Variants in NBAS observed in about 807,000 individuals in gnomAD.
NBAS encodes NBAS subunit of NRZ tethering complex, also known as NAG/BC035112 fusion.
A neutral mutation model predicts 302.5 loss-of-function variants in NBAS; 219 were observed. That is an observed-to-expected ratio of 0.72 (90% CI 0.65 to 0.81). The LOEUF (loss-of-function observed/expected upper bound fraction) is 0.81, where lower values mean the gene tolerates loss of function less well. Ranked by LOEUF, NBAS falls within the 30% of genes least tolerant of loss-of-function variation. The pLI, the probability that NBAS is intolerant of heterozygous loss-of-function variation, is 0.00. For missense variants in NBAS, 2,932 were observed against 2,841.6 expected (o/e 1.03, Z -0.72); for synonymous variants, 1,118 against 1,021.6 (o/e 1.09, Z -1.80).
the NBAS span, among the ~76,000 whole-genome samples, chr2:15,003,013 A>G: frequency 2.0e-5 from 3 of 152,238 alleles, no homozygotes; most frequent in Non-Finnish European, 2.9e-5. Flanking sequence ...AGGGCTCCTC[A>G]AGTGCAGCCA....
the NBAS span, among the ~76,000 whole-genome samples, chr2:14,995,810 C>T: frequency 2.0e-5 from 3 of 152,250 alleles, no homozygotes; most frequent in African/African-American, 4.8e-5. Context: ...TAACCTTGAA[C>T]TCCCAGGCTC....
chr2:14,872,553 T>C, the NBAS span, among the ~76,000 whole-genome samples: 2 of 152,202 alleles, frequency 1.3e-5, no homozygotes, highest in Non-Finnish European at 2.9e-5. Flanking sequence ...TTTGGAAGTG[T>C]CTGGAGTTTA....
rs370606595 is a variant in NBAS at position 15,406,018 on chromosome 2, A to G, written c.2938-3717T>C. On this transcript the variant is annotated intron_variant, in intron 25 of 51. Coordinates refer to ENST00000281513, the MANE Select transcript of NBAS (RefSeq NM_015909.4). ...GTTAATGTACAAATTCAATGCAATC[A>G]CAATAAAATACCAATAAGCAATTTT... Among the ~76,000 whole-genome samples, 3 of 151,964 alleles carry G rather than the reference A, an allele frequency of 2.0e-5. No individual in the cohort carries two copies. In the East Asian group the frequency reaches 5.8e-4, roughly 29 times the overall value.
At chr2:14,899,676 G>T in the NBAS span, among the ~76,000 whole-genome samples, 1 of 151,964 alleles carries the variant, frequency 6.6e-6, no homozygotes, top group South Asian at 2.1e-4. Context: ...CTGGTTGTGT[G>T]GTTGTTGTTT....
chr2:15,493,498 T>C (rs1387318077), intron 11 of NBAS, among the ~76,000 whole-genome samples: 1 of 151,902 alleles, frequency 6.6e-6, no homozygotes, highest in Non-Finnish European at 1.5e-5. Context: ...TAAAACCCCA[T>C]CTCTACAAAA....
At chr2:15,136,678 T>C in the NBAS span, among the ~76,000 whole-genome samples, 8 of 152,300 alleles carry the variant, frequency 5.3e-5, no homozygotes, top group Non-Finnish European at 1.2e-4. Flanking sequence ...GTGCCTGATA[T>C]GGTTTGGCTC....
intron 21 of NBAS, among the ~76,000 whole-genome samples, chr2:15,435,595 T>G (rs1278552825): frequency 1.3e-5 from 2 of 152,196 alleles, no homozygotes; most frequent in African/African-American, 4.8e-5. Context: ...AGCTGGAATT[T>G]GAACCCAGGC....
At chr2:15,509,952 C>T (rs369129642) in intron 10 of NBAS, among the ~76,000 whole-genome samples, 28 of 152,154 alleles carry the variant, frequency 1.8e-4, no homozygotes, top group Admixed American at 6.5e-5. Flanking sequence ...CAGGTTCAAT[C>T]GATTCTCCTG....
At chr2:14,806,098 A>G in the NBAS span, among the ~76,000 whole-genome samples, 2 of 152,172 alleles carry the variant, frequency 1.3e-5, no homozygotes, top group African/African-American at 4.8e-5. Flanking sequence ...GGAGCTTGTT[A>G]AAACACATAT....
At position 15,287,190 on chromosome 2, in the gene NBAS, A is replaced by C. The variant is rs1670083393; in HGVS notation, c.5028-7T>G. On this transcript the variant is annotated splice_polypyrimidine_tract_variant and splice_region_variant and intron_variant, in intron 41 of 51. Transcript: ENST00000281513. ...GACGCTTTCCTCTAGAGTTCTGCAG[A>C]AATGTCCATCAAGCCCAGGAAGGGA... is the stretch of plus-strand genomic sequence containing the variant. The C allele has an allele frequency of 2.5e-6, 4 of 1,607,596 alleles. No homozygotes were observed. Among genetic ancestry groups the C allele is most frequent in the Non-Finnish European group, 1.7e-6 (2 of 1,174,112 alleles).
intron 25 of NBAS, among the ~76,000 whole-genome samples, chr2:15,411,015 C>G (rs1324459851): frequency 6.6e-6 from 1 of 152,152 alleles, no homozygotes; most frequent in African/African-American, 2.4e-5. Context: ...TCAATTTCAG[C>G]CTGAGCTAAG....
At chr2:15,416,759 T>C (rs1242040939) in intron 24 of NBAS, among the ~76,000 whole-genome samples, 1 of 139,498 alleles carries the variant, frequency 7.2e-6, no homozygotes, top group Non-Finnish European at 1.5e-5. Flanking sequence ...TGAGCCAAGA[T>C]CACGTCACTG....
intron 21 of NBAS, among the ~76,000 whole-genome samples, chr2:15,458,651 C>T (rs1248611671): frequency 1.3e-5 from 2 of 152,156 alleles, no homozygotes; most frequent in African/African-American, 4.8e-5. Context: ...CAACTGTGAG[C>T]CAATTAAAAC....
the NBAS span, among the ~76,000 whole-genome samples, chr2:15,034,256 G>GAAAT: frequency 2.1e-5 from 2 of 96,340 alleles, no homozygotes; most frequent in Non-Finnish European, 2.1e-5. Flanking sequence ...AAGAAAGAAA[G>GAAAT]AAAGAAAGAA....
chr2:15,454,627 C>T (rs1453486987), intron 21 of NBAS, among the ~76,000 whole-genome samples: 1 of 152,192 alleles, frequency 6.6e-6, no homozygotes, highest in Non-Finnish European at 1.5e-5. Flanking sequence ...TGAACCAAGC[C>T]ATGCCGGATT....
At chr2:15,335,174 T>TAA (rs34790746) in intron 35 of NBAS, among the ~76,000 whole-genome samples, 3,689 of 117,172 alleles carry the variant, frequency 0.031, 192 homozygotes, top group African/African-American at 0.12. Flanking sequence ...TCATCTCTCT[T>TAA]AAAAAAAAAA....
chr2:15,254,004 A>T (rs1668473821), intron 44 of NBAS, among the ~76,000 whole-genome samples: 1 of 152,172 alleles, frequency 6.6e-6, no homozygotes, highest in African/African-American at 2.4e-5. Context: ...AAGAGGAGAG[A>T]GGAACGTGAA....
intron 31 of NBAS, among the ~76,000 whole-genome samples, chr2:15,372,073 C>T (rs1212651684): frequency 6.6e-6 from 1 of 152,064 alleles, no homozygotes; most frequent in Non-Finnish European, 1.5e-5. Context: ...TTAAAACTTG[C>T]CCCCAGTTAC....
At chr2:15,319,444 T>C (rs1671684501) in intron 38 of NBAS, among the ~76,000 whole-genome samples, 1 of 149,748 alleles carries the variant, frequency 6.7e-6, no homozygotes, top group Admixed American at 6.7e-5. Context: ...ATTCAAAAAA[T>C]CAATGAATCC....
Sources: gnomAD v4.1 joint callset for allele counts (sites outside exome capture counted in the v4.1 genomes callset) on GRCh38, gnomAD v4.1.1 for gene constraint, MANE v1.5 for transcripts, NCBI Gene and HGNC (gene_info 2026-07-23, HGNC 2026-07-21) for gene names.